The following TEX14 variants were observed in gnomAD, a reference collection of about 807,000 sequenced individuals.
TEX14 encodes testis expressed 14, intercellular bridge forming factor.
Under a neutral mutation model 178.6 loss-of-function variants are expected in TEX14, and 168 were observed. The ratio of observed to expected loss-of-function variants is 0.94; its 90% CI spans 0.83 to 1.07. The LOEUF is 1.07. Among genes scored for constraint, TEX14 ranks in the 50% least tolerant of loss-of-function variants. The pLI, the probability that TEX14 is intolerant of heterozygous loss-of-function variation, is 0.00. For synonymous variants in TEX14, 626 were observed against 634.1 expected (o/e 0.99, Z 0.19); for missense variants, 1,730 against 1,753.6 (o/e 0.99, Z 0.24).
rs143242138 is a variant in TEX14, at chr17:58,575,304, C to T, written c.3321-1055G>A. 6.1e-4 allele frequency among the ~76,000 whole-genome samples: 92 copies of T among 151,948 alleles called. 2 individuals carry two copies. In the Middle Eastern group the frequency reaches 0.017, roughly 28 times the overall value. ...TAATTTTCTGTATTTTTAGTAGAGA[C>T]GGGGTTTCTCCATGTTGGTCAGGCT... On this transcript the variant is annotated intron_variant, in intron 21 of 31. Coordinates refer to ENST00000349033, the MANE Select transcript of TEX14 (RefSeq NM_031272.5).
chr17:58,634,704 C>T (rs1382500113), intron 2 of TEX14, among the ~76,000 whole-genome samples: 2 of 152,138 alleles, frequency 1.3e-5, no homozygotes. Context: ...CTCAGAGTTA[C>T]GCATGTCATG....
rs373550264 is a variant in TEX14 at position 58,624,097 on chromosome 17, C to T, written c.252-1085G>A. On this transcript the variant is annotated intron_variant, in intron 3 of 31. Transcript: ENST00000349033. ...AGGAGATCGAGGCCATCCTGGCTAA[C>T]GCGGTGAAACCCTGTGTCTACTAAA... 9.1e-4 allele frequency among the ~76,000 whole-genome samples: 139 copies of T among 152,164 alleles called. 1 individual carries two copies. The highest frequency in any genetic ancestry group is 3.2e-3 in the African/African-American group (133 of 41,534).
chr17:58,616,160 C>T lies in TEX14; in HGVS notation c.767+15G>A. On this transcript the variant is annotated intron_variant, in intron 7 of 31. Transcript: ENST00000349033. Reference sequence around the variant, plus strand: ...GAAACTGAATCAGACCTCAAACTGGCCAGCCCCCACTTACTTGGTCATGAC... The same window carrying T: ...GAAACTGAATCAGACCTCAAACTGGTCAGCCCCCACTTACTTGGTCATGAC... The T allele has an allele frequency of 6.2e-7, 1 of 1,606,616 alleles. No individual in the cohort carries two copies. The highest frequency in any genetic ancestry group is 8.5e-7 in the Non-Finnish European group (1 of 1,177,332).
chr17:58,618,323 C>CA (rs2045923031), intron 5 of TEX14, among the ~76,000 whole-genome samples: 2 of 152,130 alleles, frequency 1.3e-5, no homozygotes, highest in South Asian at 4.1e-4. Context: ...ATTATATAGG[C>CA]AAAAAAATGA....
At chr17:58,599,832 G>A (rs2045385799) in intron 13 of TEX14, among the ~76,000 whole-genome samples, 166 bp from the exon 14 acceptor site, 1 of 152,142 alleles carries the variant, frequency 6.6e-6, no homozygotes, top group Admixed American at 6.5e-5. Context: ...CTCACAAAGG[G>A]TGAGGGAGTA....
chr17:58,681,321 T>C lies in TEX14; in HGVS notation c.-2+10618A>G, dbSNP rs561546558. On this transcript the variant is annotated intron_variant, in intron 1 of 31. Transcript: ENST00000349033. ...GCTAAACAAGCAACAACTGAGAACA[T>C]AGAGGTGTCTTAGATGGGGAGAAAA... Among the ~76,000 whole-genome samples, 7 of 152,044 alleles carry C rather than the reference T, an allele frequency of 4.6e-5. 1 individual carries two copies. In the South Asian group the frequency reaches 1.2e-3, roughly 27 times the overall value.
At chr17:58,681,387 C>T (rs1176972641) in intron 1 of TEX14, among the ~76,000 whole-genome samples, 1 of 152,066 alleles carries the variant, frequency 6.6e-6, no homozygotes, top group East Asian at 1.9e-4. Context: ...TGTGATGCAA[C>T]CAGACACTTG....
chr17:58,592,459 C>T (rs1040227101), intron 15 of TEX14, among the ~76,000 whole-genome samples: 1 of 151,968 alleles, frequency 6.6e-6, no homozygotes, highest in Non-Finnish European at 1.5e-5. Flanking sequence ...CTCAGCCTCC[C>T]GAGTAGCTGG....
intron 8 of TEX14, among the ~76,000 whole-genome samples, chr17:58,614,698 G>A (rs547796169): frequency 4.6e-4 from 70 of 152,308 alleles, no homozygotes; most frequent in Non-Finnish European, 6.0e-4. Flanking sequence ...GAGAGAGCTC[G>A]ATAAGCCTGG....
chr17:58,596,429 A>G (rs763318583), intron 14 of TEX14, among the ~76,000 whole-genome samples: 14 of 152,034 alleles, frequency 9.2e-5, no homozygotes, highest in Non-Finnish European at 1.8e-4. Context: ...CTACAGGCAC[A>G]CGCCACCATG....
Position 58,599,556 on chromosome 17 carries a change from G to A in TEX14, c.1789C>T (p.Pro597Ser), listed in dbSNP as rs2045378032. The stretch of plus-strand genomic sequence containing the variant: ...TCTGCCATAAATGGAGCAGGGCAAG[G>A]AGCATCTTGATTCTGAGTCTCCCTG... ...MARETQNQDA[P>S]CPAPFMAEEA... The change falls in exon 14 of 32, where the codon CCT (proline) becomes TCT (serine). Residue 597 changes from proline to serine, a missense_variant. By Grantham distance (74) the Pro-to-Ser change is moderately conservative (BLOSUM62 -1). Around this residue, in one of 2 missense-constraint regions of TEX14, gnomAD observed 941 missense variants for 1,072.4 expected, o/e 0.88. Coordinates refer to ENST00000349033, the MANE Select transcript of TEX14 (RefSeq NM_031272.5). 1 of 1,613,910 alleles carries A rather than the reference G, an allele frequency of 6.2e-7. No individual in the cohort carries two copies. Among genetic ancestry groups the A allele is most frequent in the South Asian group, 1.1e-5 (1 of 91,074 alleles).
chr17:58,671,314 C>A (rs2047300665), intron 1 of TEX14, among the ~76,000 whole-genome samples: 1 of 152,140 alleles, frequency 6.6e-6, no homozygotes, highest in African/African-American at 2.4e-5. Context: ...ACTTTTTGTG[C>A]CATCCCCTAA....
intron 1 of TEX14, among the ~76,000 whole-genome samples, chr17:58,682,005 A>C (rs1030159523): frequency 6.6e-6 from 1 of 152,228 alleles, no homozygotes; most frequent in African/African-American, 2.4e-5. Context: ...TGCCTTCTTC[A>C]GGCTAGAGTG....
At position 58,605,199 on chromosome 17, in the gene TEX14, ATTCT is replaced by A. The variant is rs901756240; in HGVS notation, c.1185-74_1185-71del. ...CTTTTATTCATTCATTCATTCATTC[ATTCT>A]TTCATTCATTCAGAGTCTTGCCCTG... On this transcript the variant is annotated intron_variant, in intron 10 of 31. Transcript: ENST00000349033. 17 of 1,486,114 alleles carry A rather than the reference ATTCT, an allele frequency of 1.1e-5. No homozygotes were observed. The African/African-American group carries it at 2.2e-4, about 20-fold the overall frequency. 92.1% of individuals were successfully genotyped at this position (1,486,114 alleles called of 1,614,324 possible).
chr17:58,559,794 T>C (rs1280562580), intron 29 of TEX14, among the ~76,000 whole-genome samples: 1 of 152,254 alleles, frequency 6.6e-6, no homozygotes, highest in East Asian at 1.9e-4. Flanking sequence ...CATTAAGCAA[T>C]GAGGAAACCG....
At chr17:58,624,815 C>A (rs1598396475) in intron 3 of TEX14, among the ~76,000 whole-genome samples, 1 of 152,290 alleles carries the variant, frequency 6.6e-6, no homozygotes, top group East Asian at 1.9e-4. Context: ...AGTTAATAAT[C>A]CACTGGGATA....
chr17:58,673,674 A>C (rs972405225), intron 1 of TEX14, among the ~76,000 whole-genome samples: 2 of 151,696 alleles, frequency 1.3e-5, no homozygotes, highest in Non-Finnish European at 2.9e-5. Context: ...TGATCCTCCC[A>C]CCTCACCCTC....
chr17:58,672,260 T>C (rs1194943585), intron 1 of TEX14, among the ~76,000 whole-genome samples: 1 of 152,120 alleles, frequency 6.6e-6, no homozygotes, highest in East Asian at 1.9e-4. Flanking sequence ...GGTACCATGC[T>C]CCTTCCAGGG....
intron 19 of TEX14, chr17:58,581,805 T>A: frequency 6.5e-7 from 1 of 1,538,750 alleles, no homozygotes; most frequent in South Asian, 1.2e-5. Flanking sequence ...GGATGCAGTG[T>A]TAACAACGGG....
Sources: allele counts gnomAD v4.1 joint callset (sites outside exome capture counted in the v4.1 genomes callset), GRCh38; gene constraint gnomAD v4.1.1; regional missense constraint gnomAD v4.1.1; transcripts MANE v1.5; gene names NCBI Gene and HGNC (gene_info 2026-07-23, HGNC 2026-07-21).